Variants in NBAS observed in about 807,000 individuals in gnomAD.
NBAS encodes NBAS subunit of NRZ tethering complex.
NBAS carries 219 observed loss-of-function variants against 302.5 expected under a neutral mutation model. The observed-to-expected ratio is 0.72, with a 90% CI of 0.65 to 0.81. The LOEUF (loss-of-function observed/expected upper bound fraction) is 0.81, where lower values mean the gene tolerates loss of function less well. Ranked by LOEUF, NBAS falls within the 30% of genes least tolerant of loss-of-function variation. The probability of loss-of-function intolerance (pLI) is 0.00; values close to 1 mark genes in which losing one functional copy is unlikely to be tolerated. For synonymous variants in NBAS, 1,118 were observed against 1,021.6 expected (o/e 1.09, Z -1.80); for missense variants, 2,932 against 2,841.6 (o/e 1.03, Z -0.72).
chr2:14,816,523 C>T, the NBAS span, among the ~76,000 whole-genome samples: 1 of 152,200 alleles, frequency 6.6e-6, no homozygotes, highest in South Asian at 2.1e-4. Context: ...CTGGTCTCTT[C>T]CTGCTTCAGC....
chr2:15,465,098 CA>C (rs1679666412), intron 19 of NBAS, among the ~76,000 whole-genome samples: 1 of 152,118 alleles, frequency 6.6e-6, no homozygotes, highest in South Asian at 2.1e-4. Context: ...GTTAAGTCCT[CA>C]AAAAAATGTG....
In NBAS at chr2:15,435,944, A is replaced by G. The variant is rs1202759522; in HGVS notation, c.2340-8150T>C. ...GCTCTTATATGCATAATAATAACAT[A>G]TAAGCAATAATTTTAACTAACTTTA... On this transcript the variant is annotated intron_variant, in intron 21 of 51. Transcript: ENST00000281513. Among the ~76,000 whole-genome samples the G allele has an allele frequency of 2.6e-5, 4 of 152,234 alleles. No individual in the cohort carries two copies. The East Asian group carries it at 5.8e-4, about 22-fold the overall frequency.
chr2:15,189,624 T>C (rs911632607), intron 49 of NBAS, among the ~76,000 whole-genome samples: 5 of 152,138 alleles, frequency 3.3e-5, no homozygotes, highest in African/African-American at 7.2e-5. Flanking sequence ...GTATGTTCCA[T>C]GGCTGATACC....
chr2:15,476,371 T>G (rs1235676877), intron 13 of NBAS, among the ~76,000 whole-genome samples: 1 of 151,916 alleles, frequency 6.6e-6, no homozygotes, highest in East Asian at 1.9e-4. Flanking sequence ...CTTAAACTTG[T>G]AACTAATCAG....
chr2:15,330,909 C>G (rs1167673956), intron 35 of NBAS, 144 bp from the exon 36 acceptor site: 1 of 836,524 alleles, frequency 1.2e-6, no homozygotes, highest in Non-Finnish European at 1.8e-6. Context: ...TTGCTTGTAA[C>G]AAAATAAATG....
chr2:15,174,755 C>A (rs889103422), intron 51 of NBAS, among the ~76,000 whole-genome samples: 6 of 152,192 alleles, frequency 3.9e-5, no homozygotes, highest in African/African-American at 1.4e-4. Flanking sequence ...CTGGTGTTTA[C>A]ATTTCAGCTT....
chr2:15,512,307 G>A (rs781601370), intron 9 of NBAS, among the ~76,000 whole-genome samples: 4 of 151,938 alleles, frequency 2.6e-5, no homozygotes, highest in Non-Finnish European at 4.4e-5. Flanking sequence ...CTCTCAATAC[G>A]GACCCTTCAA....
the NBAS span, among the ~76,000 whole-genome samples, chr2:14,951,901 A>C: frequency 6.6e-6 from 1 of 152,148 alleles, no homozygotes; most frequent in East Asian, 1.9e-4. Flanking sequence ...CTTTTTCTAC[A>C]ACCCGGCTGT....
chr2:15,227,243 C>A (rs951720902), intron 47 of NBAS, among the ~76,000 whole-genome samples: 1 of 151,920 alleles, frequency 6.6e-6, no homozygotes, highest in Non-Finnish European at 1.5e-5. Context: ...AGAAAGAAAG[C>A]AATTTCATTT....
chr2:15,280,392 G>T (rs1328640755), intron 42 of NBAS, among the ~76,000 whole-genome samples: 1 of 152,068 alleles, frequency 6.6e-6, no homozygotes, highest in Non-Finnish European at 1.5e-5. Context: ...GGAGAAGGCT[G>T]CCGGGAGAGG....
chr2:15,353,991 G>T (rs1328009715), intron 33 of NBAS, among the ~76,000 whole-genome samples: 1 of 152,168 alleles, frequency 6.6e-6, no homozygotes, highest in Non-Finnish European at 1.5e-5. Context: ...GATCTACTGA[G>T]ATTTGGTGTT....
At chr2:15,055,389 T>C in the NBAS span, among the ~76,000 whole-genome samples, 1 of 152,186 alleles carries the variant, frequency 6.6e-6, no homozygotes, top group Non-Finnish European at 1.5e-5. Context: ...AAAGTAATCA[T>C]GAGCCCTTCT....
the NBAS span, among the ~76,000 whole-genome samples, chr2:15,160,923 C>CT: frequency 6.6e-6 from 1 of 152,162 alleles, no homozygotes. Context: ...TCAGAGAACT[C>CT]TTTTGCCTAA....
chr2:15,513,036 T>C (rs1490034469), intron 9 of NBAS, among the ~76,000 whole-genome samples: 2 of 152,198 alleles, frequency 1.3e-5, no homozygotes, highest in East Asian at 1.9e-4. Flanking sequence ...CTCTACCATA[T>C]ACTCTTAGAT....
chr2:14,943,628 C>G, the NBAS span, among the ~76,000 whole-genome samples: 1 of 152,108 alleles, frequency 6.6e-6, no homozygotes, highest in African/African-American at 2.4e-5. Context: ...ATTAATAACC[C>G]TTACCCTTGT....
the NBAS span, among the ~76,000 whole-genome samples, chr2:15,100,808 ATT>A: frequency 2.0e-5 from 3 of 152,200 alleles, no homozygotes; most frequent in Non-Finnish European, 4.4e-5. Flanking sequence ...ACTCTGTGAT[ATT>A]TTGTCTGTAT....
intron 38 of NBAS, among the ~76,000 whole-genome samples, chr2:15,325,382 T>TAA (rs72159003): frequency 0.23 from 35,478 of 151,084 alleles, 4,494 homozygotes; most frequent in Middle Eastern, 0.39. Context: ...CCTTTATTGC[T>TAA]AAAAAAAAAG....
Position 15,182,214 on chromosome 2 carries a change from T to C in NBAS, c.6712-3098A>G, listed in dbSNP as rs563170446. Among the ~76,000 whole-genome samples the C allele has an allele frequency of 2.6e-5, 4 of 152,352 alleles. No individual in the cohort carries two copies. In the East Asian group the frequency reaches 5.8e-4, roughly 22 times the overall value. On this transcript the variant is annotated intron_variant, in intron 50 of 51. Transcript: ENST00000281513. ...ACCTCCAGGGCACTAGCCGTGCCTCTTGGACTGTGATCTCTACCAGCAAGG... is the reference window on the plus strand; with the variant it reads ...ACCTCCAGGGCACTAGCCGTGCCTCCTGGACTGTGATCTCTACCAGCAAGG...
chr2:15,558,454 A>G, intron 2 of NBAS, 126 bp downstream of exon 2: 1 of 671,850 alleles, frequency 1.5e-6, no homozygotes, highest in Non-Finnish European at 2.5e-6. Context: ...GTGTGTATAT[A>G]TAAATATATA....
Sources: gnomAD v4.1 joint callset for allele counts (sites outside exome capture counted in the v4.1 genomes callset) on GRCh38, gnomAD v4.1.1 for gene constraint, MANE v1.5 for transcripts, NCBI Gene and HGNC (gene_info 2026-07-23, HGNC 2026-07-21) for gene names.